PFDN4: variants seen among roughly 807,000 people sequenced by gnomAD.
The protein encoded by PFDN4 is prefoldin subunit 4.
Under a neutral mutation model 17.6 loss-of-function variants are expected in PFDN4, and 6 were observed. The ratio of observed to expected loss-of-function variants is 0.34; its 90% CI spans 0.19 to 0.67. The LOEUF (loss-of-function observed/expected upper bound fraction) is 0.67, where lower values mean the gene tolerates loss of function less well. Among genes scored for constraint, PFDN4 ranks in the 30% least tolerant of loss-of-function variants. The pLI is 0.68. For synonymous variants in PFDN4, 48 were observed against 51.1 expected, an observed-to-expected ratio of 0.94 and a Z score of 0.26; for missense variants, 119 against 158.4, an observed-to-expected ratio of 0.75 and a Z score of 1.33.
Position 54,208,121 on chromosome 20 carries a change from G to A in PFDN4, c.21G>A (p.Lys7=), listed in dbSNP as rs1302879154. ...CCAAGATGGCGGCCACCATGAAGAA[G>A]GCGGTGAGTGGGGAGCTCGGGGCTC... MAATMK[K]AAAEDVNVTF... The change falls in exon 1 of 4, where the codon AAG becomes AAA. Residue 7 remains lysine (K), a synonymous_variant. Coordinates refer to ENST00000371419, the MANE Select transcript of PFDN4 (RefSeq NM_002623.4). 1.2e-5 allele frequency: 18 copies of A among 1,557,264 alleles called. No individual in the cohort carries two copies. The highest frequency in any genetic ancestry group is 1.3e-5 in the Non-Finnish European group (15 of 1,150,630).
intron 3 of PFDN4, among the ~76,000 whole-genome samples, chr20:54,218,613 A>ATTGGTGG (rs1253668581): frequency 5.3e-5 from 8 of 152,210 alleles, no homozygotes; most frequent in African/African-American, 1.9e-4. Context: ...CTTCTTAATT[A>ATTGGTGG]TTGGTGGTTG....
chr20:54,216,832 C>T (rs940420499), intron 3 of PFDN4, among the ~76,000 whole-genome samples: 1 of 151,764 alleles, frequency 6.6e-6, no homozygotes, highest in African/African-American at 2.4e-5. Flanking sequence ...AATTTTTGTA[C>T]TTTTGGTAGA....
chr20:54,211,092 AAAAC>A (rs1187236219), intron 1 of PFDN4, among the ~76,000 whole-genome samples: 5 of 152,232 alleles, frequency 3.3e-5, no homozygotes, highest in Admixed American at 6.5e-5. Flanking sequence ...CAAAAACAAA[AAAAC>A]AAACAAAGAA....
intron 1 of PFDN4, 97 bp downstream of exon 1, chr20:54,208,221 C>A: frequency 1.7e-6 from 2 of 1,166,876 alleles, no homozygotes; most frequent in East Asian, 3.1e-5. Flanking sequence ...AGCTCCGAAG[C>A]CCGGCGTGGG....
chr20:54,218,794 A>C (rs1042104089), intron 3 of PFDN4, among the ~76,000 whole-genome samples: 2 of 152,246 alleles, frequency 1.3e-5, no homozygotes, highest in African/African-American at 4.8e-5. Context: ...TTAGATCAGC[A>C]GAAACTGAGA....
Position 54,211,962 on chromosome 20 carries a change from G to T in PFDN4, c.25-2389G>T, listed in dbSNP as rs60430064. On this transcript the variant is annotated intron_variant, in intron 1 of 3. Coordinates refer to ENST00000371419, the MANE Select transcript of PFDN4 (RefSeq NM_002623.4). The stretch of plus-strand genomic sequence containing the variant: ...AATCCCAGCACTTTGGGAGGCCGAG[G>T]CTGGTGGATCACCTGAGGTTAGGAG... Among the ~76,000 whole-genome samples, 1,096 of 152,264 alleles carry T rather than the reference G, an allele frequency of 7.2e-3. 8 individuals are homozygous for T. The highest frequency in any genetic ancestry group is 0.025 in the African/African-American group (1,028 of 41,530).
At position 54,218,416 on chromosome 20, in the gene PFDN4, T is replaced by C. The variant is rs147722045; in HGVS notation, c.274-603T>C. ...GATGTTATAATTTATTAATACAATA[T>C]GGAATAATTAAATCAAGATAGTTAA... On this transcript the variant is annotated intron_variant, in intron 3 of 3. Coordinates refer to ENST00000371419, the MANE Select transcript of PFDN4 (RefSeq NM_002623.4). Among the ~76,000 whole-genome samples, 7 of 152,266 alleles carry C rather than the reference T, an allele frequency of 4.6e-5. No homozygotes were observed. The East Asian group carries it at 1.2e-3, about 25-fold the overall frequency.
chr20:54,214,602 A>ATT (rs528818258), intron 2 of PFDN4, 144 bp downstream of exon 2: 27 of 457,700 alleles, frequency 5.9e-5, no homozygotes, highest in Non-Finnish European at 8.7e-5. Flanking sequence ...GCAGAAAGTC[A>ATT]TTTTTTTTTT....
chr20:54,214,749 A>T (rs995130326), intron 2 of PFDN4, among the ~76,000 whole-genome samples: 14 of 152,288 alleles, frequency 9.2e-5, no homozygotes, highest in Non-Finnish European at 1.9e-4. Context: ...TGTCTTCCCA[A>T]TGAGGAAGCC....
chr20:54,215,963 C>G (rs1246907947), intron 3 of PFDN4, among the ~76,000 whole-genome samples: 1 of 152,194 alleles, frequency 6.6e-6, no homozygotes, highest in African/African-American at 2.4e-5. Flanking sequence ...TGCTCTGAGC[C>G]TGGCACACAG....
In PFDN4 at chr20:54,219,725, G is replaced by T. The variant is rs2092767282; in HGVS notation, c.*575G>T. On this transcript the variant is annotated 3_prime_UTR_variant, in exon 4 of 4. Coordinates refer to ENST00000371419, the MANE Select transcript of PFDN4 (RefSeq NM_002623.4). ...AAAAGAATGGGTAATGTTTAAACATGTGGAGGCATGTGGAGCTTTATACAA... is the reference window on the plus strand; with the variant it reads ...AAAAGAATGGGTAATGTTTAAACATTTGGAGGCATGTGGAGCTTTATACAA... 2 of 397,756 alleles carry T rather than the reference G, an allele frequency of 5.0e-6. No individual in the cohort carries two copies. Among genetic ancestry groups the T allele is most frequent in the Admixed American group, 8.8e-5 (2 of 22,714 alleles). The allele number at this position is 397,756 out of a possible 1,614,324, so 24.6% of individuals were successfully genotyped here. A position where few individuals can be genotyped will look rare whatever the true frequency, so the allele number is the denominator to read the frequency against.
At chr20:54,212,862 C>T (rs1359100770) in intron 1 of PFDN4, among the ~76,000 whole-genome samples, 1 of 152,258 alleles carries the variant, frequency 6.6e-6, no homozygotes, top group African/African-American at 2.4e-5. Flanking sequence ...TGTTCCCCAA[C>T]TTCCATATTC....
intron 1 of PFDN4, among the ~76,000 whole-genome samples, chr20:54,212,151 C>CTACT (rs2092756712): frequency 6.6e-6 from 1 of 151,266 alleles, no homozygotes; most frequent in South Asian, 2.1e-4. Context: ...CAAGATCATG[C>CTACT]TACTGCACTT....
intron 1 of PFDN4, among the ~76,000 whole-genome samples, chr20:54,211,007 C>T (rs927359919): frequency 3.9e-5 from 6 of 152,168 alleles, no homozygotes; most frequent in African/African-American, 1.4e-4. Flanking sequence ...ATCGCTTGAA[C>T]CTGGGAGGCA....
intron 1 of PFDN4, chr20:54,208,374 C>G (rs1198683152): frequency 2.3e-6 from 1 of 426,580 alleles, no homozygotes; most frequent in Admixed American, 4.5e-5. Flanking sequence ...GACGCAGGTC[C>G]GCCTCCCGCG....
At chr20:54,217,919 C>T (rs552078619) in intron 3 of PFDN4, among the ~76,000 whole-genome samples, 15 of 152,266 alleles carry the variant, frequency 9.9e-5, no homozygotes, top group African/African-American at 2.2e-4. Flanking sequence ...GACCCAAAGA[C>T]GATCTTTCAG....
chr20:54,217,932 G>C (rs1601178342), intron 3 of PFDN4, among the ~76,000 whole-genome samples: 1 of 152,098 alleles, frequency 6.6e-6, no homozygotes, highest in Non-Finnish European at 1.5e-5. Flanking sequence ...TCTTTCAGGT[G>C]GGCTGAGGTA....
intron 1 of PFDN4, chr20:54,208,405 G>A (rs2092751033): frequency 4.9e-6 from 2 of 410,188 alleles, no homozygotes; most frequent in Admixed American, 9.3e-5. Flanking sequence ...TGCCCCCGGG[G>A]AGTCTGAGGA....
At chr20:54,217,224 T>C (rs2092763762) in intron 3 of PFDN4, among the ~76,000 whole-genome samples, 4 of 149,714 alleles carry the variant, frequency 2.7e-5, no homozygotes, top group South Asian at 4.2e-4. Context: ...AGGGAAGGGC[T>C]CCCAGGGAAA....
Sources: allele counts gnomAD v4.1 joint callset (sites outside exome capture counted in the v4.1 genomes callset), GRCh38; gene constraint gnomAD v4.1.1; transcripts MANE v1.5; gene names NCBI Gene and HGNC (gene_info 2026-07-23, HGNC 2026-07-21).